YIPF4: variants seen among roughly 807,000 people sequenced by gnomAD.
YIPF4 encodes Yip1 domain family member 4.
A neutral mutation model predicts 29.4 loss-of-function variants in YIPF4; 18 were observed. The observed-to-expected ratio is 0.61, with a 90% CI of 0.42 to 0.91. The LOEUF (loss-of-function observed/expected upper bound fraction) is 0.91. Among genes scored for constraint, YIPF4 ranks in the 40% least tolerant of loss-of-function variants. The probability of loss-of-function intolerance (pLI) is 0.00; values close to 1 mark genes in which losing one functional copy is unlikely to be tolerated. For synonymous variants in YIPF4, 115 were observed against 104.7 expected (o/e 1.10, Z -0.60); for missense variants, 279 against 282.7 (o/e 0.99, Z 0.09).
chr2:32,299,784 C>G (rs1206870465), intron 4 of YIPF4, among the ~76,000 whole-genome samples: 1 of 151,918 alleles, frequency 6.6e-6, no homozygotes, highest in Non-Finnish European at 1.5e-5. Flanking sequence ...TGCACTGTAG[C>G]CTGGCCGACG....
rs1442506938 is a variant in YIPF4, at chr2:32,307,113, A to G, written c.*1487A>G. On this transcript the variant is annotated 3_prime_UTR_variant, in exon 6 of 6. Transcript: ENST00000238831. ...ATTTTTTTAAAAACAGGTGAGAAGC[A>G]CCAGAGGGACAGGACTTCTAGAAGT... The G allele has an allele frequency of 6.9e-6, 9 of 1,299,544 alleles. No individual in the cohort carries two copies. The East Asian group carries it at 4.5e-4, about 65-fold the overall frequency. 80.5% of individuals were successfully genotyped at this position (1,299,544 alleles called of 1,614,324 possible).
At chr2:32,291,309 C>T (rs437764) in intron 2 of YIPF4, among the ~76,000 whole-genome samples, 51,724 of 151,986 alleles carry the variant, frequency 0.34, 9,395 homozygotes, top group Non-Finnish European at 0.41. Context: ...CCGAGGTGGG[C>T]GAATCACTTG....
chr2:32,299,738 A>G (rs2148965949), intron 4 of YIPF4, among the ~76,000 whole-genome samples: 1 of 152,026 alleles, frequency 6.6e-6, no homozygotes, highest in Admixed American at 6.5e-5. Flanking sequence ...CCTGAGCCTG[A>G]GGGGTTATGG....
chr2:32,306,041 A>G lies in YIPF4; in HGVS notation c.*415A>G. 2 of 873,102 alleles carry G rather than the reference A, an allele frequency of 2.3e-6. No individual in the cohort carries two copies. The highest frequency in any genetic ancestry group is 2.7e-6 in the Non-Finnish European group (2 of 727,774). The allele number at this position is 873,102 out of a possible 1,614,324, so 54.1% of individuals were successfully genotyped here. On this transcript the variant is annotated 3_prime_UTR_variant, in exon 6 of 6. Transcript: ENST00000238831. Reference sequence around the variant, plus strand: ...TTCTCCAGCATCACAGATCCTGCAGATATATATTTATATTTATACATATAT... The same window carrying G: ...TTCTCCAGCATCACAGATCCTGCAGGTATATATTTATATTTATACATATAT...
chr2:32,305,403 G>T, intron 5 of YIPF4, 86 bp from the exon 6 acceptor site: 1 of 1,352,870 alleles, frequency 7.4e-7, no homozygotes, highest in Non-Finnish European at 9.6e-7. Flanking sequence ...TAAAAATATT[G>T]TAAACACCAT....
chr2:32,302,276 G>T (rs981709903), intron 5 of YIPF4, among the ~76,000 whole-genome samples: 1 of 151,888 alleles, frequency 6.6e-6, no homozygotes, highest in Non-Finnish European at 1.5e-5. Flanking sequence ...TGATCCACCC[G>T]CCTCAGCCTC....
At chr2:32,300,980 C>T (rs187286992) in intron 4 of YIPF4, among the ~76,000 whole-genome samples, 5 of 152,242 alleles carry the variant, frequency 3.3e-5, no homozygotes, top group Admixed American at 1.3e-4. Context: ...TCCTTCTGGT[C>T]GGCATTGGTA....
chr2:32,298,564 T>G (rs992493760), intron 4 of YIPF4, among the ~76,000 whole-genome samples: 1 of 152,154 alleles, frequency 6.6e-6, no homozygotes, highest in African/African-American at 2.4e-5. Flanking sequence ...TTTATTTATT[T>G]TTTATTTATT....
intron 1 of YIPF4, among the ~76,000 whole-genome samples, chr2:32,286,797 ACTGGGATTACAGAC>A (rs2030694263): frequency 6.6e-6 from 1 of 152,042 alleles, no homozygotes; most frequent in African/African-American, 2.4e-5. Flanking sequence ...GCCCACCTCG[ACTGGGATTACAGAC>A]CTGAGCCACC....
chr2:32,298,113 ATCTC>A (rs1270508551), intron 3 of YIPF4, 117 bp from the exon 4 acceptor site: 2 of 679,670 alleles, frequency 2.9e-6, no homozygotes, highest in Middle Eastern at 2.5e-4. Flanking sequence ...AGCCCACATA[ATCTC>A]TCTATGACCT....
chr2:32,299,582 G>T (rs1206282667), intron 4 of YIPF4, among the ~76,000 whole-genome samples: 2 of 152,160 alleles, frequency 1.3e-5, no homozygotes, highest in Non-Finnish European at 2.9e-5. Context: ...AGCACTTTGG[G>T]GGGCTGACGC....
At chr2:32,293,919 G>A (rs1475064646) in intron 3 of YIPF4, among the ~76,000 whole-genome samples, 3 of 145,618 alleles carry the variant, frequency 2.1e-5, no homozygotes, top group Non-Finnish European at 3.0e-5. Context: ...CCTCCCGGAC[G>A]GGGCGGCTGG....
intron 1 of YIPF4, among the ~76,000 whole-genome samples, chr2:32,285,174 A>T (rs924944899): frequency 5.9e-5 from 9 of 152,128 alleles, no homozygotes; most frequent in African/African-American, 2.2e-4. Context: ...TAAAACTGAC[A>T]ATTTAGTGGT....
chr2:32,307,037 A>G lies in YIPF4; in HGVS notation c.*1411A>G. On this transcript the variant is annotated 3_prime_UTR_variant, in exon 6 of 6. Transcript: ENST00000238831. ...GAAAAACTTATTTTAAGCTGCAGAA[A>G]AAGTGTGGAGCACTTTTGAGCTAGA... 9.2e-7 allele frequency: 1 copy of G among 1,084,398 alleles called. No individual in the cohort carries two copies. The highest frequency in any genetic ancestry group is 1.2e-6 in the Non-Finnish European group (1 of 822,950). 67.2% of individuals were successfully genotyped at this position (1,084,398 alleles called of 1,614,324 possible).
Position 32,308,123 on chromosome 2 carries a change from GTTGT to G in YIPF4, c.*2501_*2504del, listed in dbSNP as rs2031635082. 6.6e-6 allele frequency: 1 copy of G among 151,368 alleles called. No homozygotes were observed. The highest frequency in any genetic ancestry group is 1.5e-5 in the Non-Finnish European group (1 of 67,884). The allele number at this position is 151,368 out of a possible 1,614,324, so 9.4% of individuals were successfully genotyped here. A position where few individuals can be genotyped will look rare whatever the true frequency, so the allele number is the denominator to read the frequency against. On this transcript the variant is annotated 3_prime_UTR_variant, in exon 6 of 6. Transcript: ENST00000238831. ...AATTATTAATTAGAATTTTGTTGTT[GTTGT>G]TTGAGACAGAGTCACTCTGTCACCC...
chr2:32,279,660 C>T (rs1347007281), intron 1 of YIPF4, among the ~76,000 whole-genome samples: 3 of 151,244 alleles, frequency 2.0e-5, no homozygotes, highest in Admixed American at 6.6e-5. Flanking sequence ...CCGTCCGCCT[C>T]GGCCTCCCAA....
intron 5 of YIPF4, among the ~76,000 whole-genome samples, chr2:32,304,185 C>T (rs1047368955): frequency 6.6e-6 from 1 of 151,976 alleles, no homozygotes; most frequent in African/African-American, 2.4e-5. Context: ...TTATTTCAGT[C>T]TGAGTTTTGT....
At chr2:32,284,834 T>C (rs146533057) in intron 1 of YIPF4, among the ~76,000 whole-genome samples, 202 of 152,202 alleles carry the variant, frequency 1.3e-3, no homozygotes, top group African/African-American at 4.4e-3. Context: ...ATGAGAGGCT[T>C]AGTGTGGCTA....
At chr2:32,286,653 C>A (rs2030684809) in intron 1 of YIPF4, among the ~76,000 whole-genome samples, 1 of 152,028 alleles carries the variant, frequency 6.6e-6, no homozygotes. Flanking sequence ...TCAAGTGATT[C>A]TCCTGCCTCA....
Sources: allele counts gnomAD v4.1 joint callset (sites outside exome capture counted in the v4.1 genomes callset), GRCh38; gene constraint gnomAD v4.1.1; transcripts MANE v1.5; gene names NCBI Gene and HGNC (gene_info 2026-07-23, HGNC 2026-07-21).